The following ZBBX variants were observed in gnomAD, a reference collection of about 807,000 sequenced individuals.
The protein encoded by ZBBX is zinc finger B-box domain-containing protein 1.
Under a neutral mutation model 108.5 loss-of-function variants are expected in ZBBX, and 101 were observed. The observed-to-expected ratio is 0.93, with a 90% CI of 0.79 to 1.10. The LOEUF (loss-of-function observed/expected upper bound fraction) is 1.10, where lower values mean the gene tolerates loss of function less well. Among genes scored for constraint, ZBBX ranks in the 50% least tolerant of loss-of-function variants. The pLI, the probability that ZBBX is intolerant of heterozygous loss-of-function variation, is 0.00. For synonymous variants in ZBBX, 356 were observed against 323.4 expected (o/e 1.10, Z -1.08); for missense variants, 1,009 against 941.4 (o/e 1.07, Z -0.94).
intron 18 of ZBBX, among the ~76,000 whole-genome samples, chr3:167,296,003 C>G (rs1731636849): frequency 6.6e-6 from 1 of 151,418 alleles, no homozygotes; most frequent in African/African-American, 2.4e-5. Flanking sequence ...TAAAAATCTT[C>G]AAAGTACAAG....
intron 4 of ZBBX, among the ~76,000 whole-genome samples, chr3:167,369,557 G>C (rs1481741621): frequency 1.3e-5 from 2 of 152,170 alleles, no homozygotes; most frequent in Non-Finnish European, 2.9e-5. Context: ...TATTTGCATT[G>C]TATCTACTCC....
chr3:167,395,850 T>A (rs1416422771), intron 1 of ZBBX, among the ~76,000 whole-genome samples: 1 of 151,954 alleles, frequency 6.6e-6, no homozygotes, highest in East Asian at 1.9e-4. Context: ...GTAGCCTACT[T>A]TGGTTTGAGG....
rs552521661 is a variant in ZBBX, at chr3:167,337,144, A to G, written c.529-3159T>C. Among the ~76,000 whole-genome samples, 11 of 152,254 alleles carry G rather than the reference A, an allele frequency of 7.2e-5. No homozygotes were observed. The East Asian group carries it at 2.1e-3, about 29-fold the overall frequency. On this transcript the variant is annotated intron_variant, in intron 9 of 21. Transcript: ENST00000675490. ...GGTATCTAAAAGAATGAGGATTATA[A>G]CATAGATTAAAATTCGAAGTTCATT...
At chr3:167,199,146 G>T in the ZBBX span, among the ~76,000 whole-genome samples, 6 of 152,154 alleles carry the variant, frequency 3.9e-5, no homozygotes, top group Non-Finnish European at 8.8e-5. Flanking sequence ...GTGAGTTGAT[G>T]AACAGGCCAC....
chr3:167,388,967 CTTTTT>C (rs1037023657), intron 1 of ZBBX, among the ~76,000 whole-genome samples: 2 of 151,762 alleles, frequency 1.3e-5, no homozygotes, highest in African/African-American at 2.4e-5. Flanking sequence ...CTTTTCTTTT[CTTTTT>C]TATTTTGCTT....
At chr3:167,308,247 A>C (rs542132528) in intron 16 of ZBBX, among the ~76,000 whole-genome samples, 1 of 152,184 alleles carries the variant, frequency 6.6e-6, no homozygotes, top group African/African-American at 2.4e-5. Flanking sequence ...GCAAATCAAA[A>C]CCACAATGAG....
At chr3:167,206,904 A>G in the ZBBX span, among the ~76,000 whole-genome samples, 1 of 152,178 alleles carries the variant, frequency 6.6e-6, no homozygotes, top group Non-Finnish European at 1.5e-5. Context: ...CCTCTTCAAT[A>G]AACAGTTTTG....
chr3:167,349,268 T>G (rs1179988357), intron 9 of ZBBX, among the ~76,000 whole-genome samples: 2 of 152,132 alleles, frequency 1.3e-5, no homozygotes, highest in Non-Finnish European at 2.9e-5. Flanking sequence ...AGTATTTATC[T>G]ACAAAGTAGA....
intron 20 of ZBBX, among the ~76,000 whole-genome samples, chr3:167,276,106 A>T (rs1423791855): frequency 6.6e-6 from 1 of 152,210 alleles, no homozygotes; most frequent in Non-Finnish European, 1.5e-5. Context: ...CAGAAAGGAC[A>T]TCCACACCAA....
chr3:167,207,611 A>G, the ZBBX span, among the ~76,000 whole-genome samples: 1 of 152,220 alleles, frequency 6.6e-6, no homozygotes, highest in African/African-American at 2.4e-5. Context: ...AGCAACATGG[A>G]TGGAACTGGA....
chr3:167,391,355 A>G (rs1042498528), intron 1 of ZBBX, among the ~76,000 whole-genome samples: 14 of 152,050 alleles, frequency 9.2e-5, no homozygotes, highest in Non-Finnish European at 1.9e-4. Context: ...ATCGTGGATA[A>G]ACTTTTTGAT....
intron 2 of ZBBX, among the ~76,000 whole-genome samples, chr3:167,376,445 T>A (rs572909468): frequency 6.6e-6 from 1 of 152,306 alleles, no homozygotes; most frequent in East Asian, 1.9e-4. Flanking sequence ...GTTATTATTA[T>A]CATTAAAGAG....
chr3:167,210,035 A>C, the ZBBX span, among the ~76,000 whole-genome samples: 31 of 152,194 alleles, frequency 2.0e-4, no homozygotes, highest in Non-Finnish European at 3.7e-4. Flanking sequence ...GGTTGCAGTG[A>C]GCTAATGTCA....
At chr3:167,204,247 T>A in the ZBBX span, among the ~76,000 whole-genome samples, 4 of 150,258 alleles carry the variant, frequency 2.7e-5, no homozygotes, top group African/African-American at 9.7e-5. Flanking sequence ...TCTTTTCTTT[T>A]TTTTTTATTA....
chr3:167,363,642 A>G (rs1370535219), intron 6 of ZBBX, among the ~76,000 whole-genome samples: 1 of 152,038 alleles, frequency 6.6e-6, no homozygotes, highest in Non-Finnish European at 1.5e-5. Flanking sequence ...TAGGATGTCC[A>G]TCTTTCATTC....
intron 19 of ZBBX, among the ~76,000 whole-genome samples, chr3:167,283,176 T>C (rs911050884): frequency 6.6e-6 from 1 of 152,216 alleles, no homozygotes; most frequent in Non-Finnish European, 1.5e-5. Context: ...TTCACCTGTT[T>C]TGAAAGTTGA....
chr3:167,195,207 G>T, the ZBBX span, among the ~76,000 whole-genome samples: 1 of 152,146 alleles, frequency 6.6e-6, no homozygotes, highest in Non-Finnish European at 1.5e-5. Context: ...GACCTGGCTG[G>T]GATGGAGCAA....
At chr3:167,344,494 G>T (rs1022849167) in intron 9 of ZBBX, among the ~76,000 whole-genome samples, 1 of 151,690 alleles carries the variant, frequency 6.6e-6, no homozygotes, top group African/African-American at 2.4e-5. Flanking sequence ...GGACTTAAAT[G>T]CCATGCTCAC....
intron 8 of ZBBX, among the ~76,000 whole-genome samples, chr3:167,356,154 C>T (rs1250176972): frequency 1.3e-5 from 2 of 152,098 alleles, no homozygotes; most frequent in Admixed American, 6.6e-5. Context: ...CAGATCCCAA[C>T]AATTTAATTC....
Sources: gnomAD v4.1 joint callset for allele counts (sites outside exome capture counted in the v4.1 genomes callset) on GRCh38, gnomAD v4.1.1 for gene constraint, MANE v1.5 for transcripts, NCBI Gene and HGNC (gene_info 2026-07-23, HGNC 2026-07-21) for gene names.